The following RSU1 variants were observed in gnomAD, a reference collection of about 807,000 sequenced individuals.
RSU1 encodes the protein rsu-1.
RSU1 carries 26 observed loss-of-function variants against 31.1 expected under a neutral mutation model. The ratio of observed to expected loss-of-function variants is 0.84; its 90% confidence interval spans 0.61 to 1.16. The LOEUF (loss-of-function observed/expected upper bound fraction) is 1.16, where lower values mean the gene tolerates loss of function less well. Among genes scored for constraint, RSU1 ranks in the 50% most tolerant of loss-of-function variants. The pLI is 0.00. For missense variants in RSU1, 320 were observed against 339.1 expected, an observed-to-expected ratio of 0.94 and a Z score of 0.44; for synonymous variants, 164 against 136.3, an observed-to-expected ratio of 1.20 and a Z score of -1.41.
intron 8 of RSU1, among the ~76,000 whole-genome samples, chr10:16,606,949 G>A (rs1392810242): frequency 2.0e-5 from 3 of 152,144 alleles, no homozygotes; most frequent in African/African-American, 7.2e-5. Flanking sequence ...CAGGTGACCT[G>A]ATGATTTCAC....
chr10:16,617,179 T>A (rs1379067791), intron 8 of RSU1, among the ~76,000 whole-genome samples: 1 of 152,236 alleles, frequency 6.6e-6, no homozygotes, highest in Non-Finnish European at 1.5e-5. Flanking sequence ...CAAGCATTCC[T>A]ATACACTAAT....
intron 8 of RSU1, among the ~76,000 whole-genome samples, chr10:16,595,741 G>C (rs894830753): frequency 6.6e-6 from 1 of 152,056 alleles, no homozygotes; most frequent in African/African-American, 2.4e-5. Context: ...GGGTAAGGCA[G>C]GCAGATCACG....
chr10:16,664,847 G>A (rs1415821071), intron 8 of RSU1, among the ~76,000 whole-genome samples: 2 of 152,190 alleles, frequency 1.3e-5, no homozygotes, highest in African/African-American at 2.4e-5. Context: ...TCTAGCCTAT[G>A]CTTGCTGAGG....
chr10:16,793,458 GAGTCCATC>G (rs1469590160), intron 2 of RSU1, among the ~76,000 whole-genome samples: 1 of 152,104 alleles, frequency 6.6e-6, no homozygotes, highest in Non-Finnish European at 1.5e-5. Flanking sequence ...TGGAGTCTAT[GAGTCCATC>G]AGGACATTAA....
At chr10:16,792,302 G>A (rs1411906148) in intron 2 of RSU1, among the ~76,000 whole-genome samples, 15 of 152,260 alleles carry the variant, frequency 9.9e-5, no homozygotes, top group Admixed American at 7.8e-4. Flanking sequence ...GCACAGTCTC[G>A]GCTCACTACA....
intron 2 of RSU1, among the ~76,000 whole-genome samples, chr10:16,790,266 T>TA (rs1837884046): frequency 6.6e-6 from 1 of 152,198 alleles, no homozygotes; most frequent in African/African-American, 2.4e-5. Flanking sequence ...GAGATTCTCT[T>TA]AGAGGCAGCA....
chr10:16,626,027 C>T (rs1405489729), intron 8 of RSU1, among the ~76,000 whole-genome samples: 2 of 151,938 alleles, frequency 1.3e-5, no homozygotes, highest in East Asian at 3.9e-4. Context: ...CAGTGCATTT[C>T]AACCAATCCT....
intron 8 of RSU1, among the ~76,000 whole-genome samples, chr10:16,646,079 CACACACACACAT>C (rs1433240348): frequency 7.3e-6 from 1 of 137,860 alleles, no homozygotes; most frequent in African/African-American, 3.2e-5. Context: ...CACACACACA[CACACACACACAT>C]ACATATATAA....
At chr10:16,732,695 A>G (rs558632075) in intron 7 of RSU1, among the ~76,000 whole-genome samples, 19 of 152,360 alleles carry the variant, frequency 1.2e-4, no homozygotes, top group Admixed American at 2.0e-4. Flanking sequence ...ATTTCTGCCC[A>G]GGCTACATTT....
intron 2 of RSU1, among the ~76,000 whole-genome samples, chr10:16,796,719 T>C (rs541008071): frequency 6.8e-6 from 1 of 147,240 alleles, no homozygotes; most frequent in East Asian, 2.0e-4. Flanking sequence ...GAGGAAAAAG[T>C]GTAGGTGCAG....
chr10:16,614,271 T>A (rs938284290), intron 8 of RSU1, among the ~76,000 whole-genome samples: 1 of 150,604 alleles, frequency 6.6e-6, no homozygotes, highest in South Asian at 2.1e-4. Flanking sequence ...AAGAACCAGG[T>A]AGTCCATGTT....
Position 16,695,162 on chromosome 10 carries a change from G to GGGGA in RSU1, c.599-8_599-7insTCCC. On this transcript the variant is annotated splice_polypyrimidine_tract_variant and splice_region_variant and intron_variant, in intron 7 of 8. Coordinates refer to ENST00000345264, the MANE Select transcript of RSU1 (RefSeq NM_012425.4). Reference sequence around the variant, plus strand: ...CCAGTTAAATCCAAGTTTCCTGGGGGGGGGGAAAAAAAAAGTGAAGGTCAC... The same window carrying GGGGA: ...CCAGTTAAATCCAAGTTTCCTGGGGGGGGAGGGGGAAAAAAAAAGTGAAGGTCAC... The GGGGA allele has an allele frequency of 6.8e-7, 1 of 1,479,654 alleles. No individual in the cohort carries two copies. The allele number at this position is 1,479,654 out of a possible 1,614,324, so 91.7% of individuals were successfully genotyped here.
At chr10:16,722,682 A>G (rs924685120) in intron 7 of RSU1, among the ~76,000 whole-genome samples, 3 of 152,152 alleles carry the variant, frequency 2.0e-5, no homozygotes, top group Admixed American at 6.5e-5. Flanking sequence ...CAAATAGACA[A>G]TATTCCAGAC....
chr10:16,630,465 A>G (rs76878461), intron 8 of RSU1, among the ~76,000 whole-genome samples: 3,462 of 152,276 alleles, frequency 0.023, 122 homozygotes, highest in African/African-American at 0.074. Flanking sequence ...ATTCGTTCCA[A>G]TGAGAGCTGG....
chr10:16,774,755 G>C (rs1192785294), intron 3 of RSU1, among the ~76,000 whole-genome samples: 1 of 152,194 alleles, frequency 6.6e-6, no homozygotes, highest in Non-Finnish European at 1.5e-5. Context: ...CTTCTCTACA[G>C]ATCAGGGTTG....
intron 7 of RSU1, among the ~76,000 whole-genome samples, chr10:16,723,793 G>A (rs887830885): frequency 6.6e-5 from 10 of 152,004 alleles, no homozygotes; most frequent in African/African-American, 1.9e-4. Context: ...GGGGGAAGAA[G>A]GTGACTGAGA....
In RSU1 at chr10:16,626,049, C is replaced by CT. The variant is rs112699947; in HGVS notation, c.732-32554dup. Among the ~76,000 whole-genome samples, 520 of 144,266 alleles carry CT rather than the reference C, an allele frequency of 3.6e-3. 2 individuals carry two copies. Among genetic ancestry groups the CT allele is most frequent in the Non-Finnish European group, 4.0e-3 (261 of 65,376 alleles). 94.6% of individuals were successfully genotyped at this position (144,266 alleles called of 152,430 possible). ...TTTCAACCAATCCTTTTCCTTTTTTCTTTTTTTTTTTTTGAGACAAGGTCT... is the reference window on the plus strand; with the variant it reads ...TTTCAACCAATCCTTTTCCTTTTTTCTTTTTTTTTTTTTTGAGACAAGGTCT... On this transcript the variant is annotated intron_variant, in intron 8 of 8. Coordinates refer to ENST00000345264, the MANE Select transcript of RSU1 (RefSeq NM_012425.4).
chr10:16,609,345 T>C (rs992191828), intron 8 of RSU1, among the ~76,000 whole-genome samples: 4 of 152,160 alleles, frequency 2.6e-5, no homozygotes, highest in Admixed American at 6.5e-5. Context: ...ACAGGCCCCG[T>C]AGGCTGCAAG....
In RSU1 at chr10:16,624,979, C is replaced by T. The variant is rs1290837635; in HGVS notation, c.732-31483G>A. ...TCTAAAATAAAGACCCACCTTTCCA[C>T]CATGCCAAGTGGGTATCACCTTCAT... On this transcript the variant is annotated intron_variant, in intron 8 of 8. Coordinates refer to ENST00000345264, the MANE Select transcript of RSU1 (RefSeq NM_012425.4). Among the ~76,000 whole-genome samples the T allele has an allele frequency of 3.9e-5, 6 of 152,268 alleles. No homozygotes were observed. In the East Asian group the frequency reaches 7.7e-4, roughly 20 times the overall value.
Sources: gnomAD v4.1 joint callset for allele counts (sites outside exome capture counted in the v4.1 genomes callset) on GRCh38, gnomAD v4.1.1 for gene constraint, MANE v1.5 for transcripts, NCBI Gene and HGNC (gene_info 2026-07-23, HGNC 2026-07-21) for gene names.